The following OR51B5 variants were observed in gnomAD, a reference collection of about 807,000 sequenced individuals.
The protein encoded by OR51B5 is olfactory receptor family 51 subfamily B member 5.
For synonymous variants in OR51B5, 186 were observed against 144.8 expected (o/e 1.28, Z -2.04); for missense variants, 456 against 374.6 (o/e 1.22, Z -1.79).
At chr11:5,455,623 G>GAGAA (rs1850945100) in intron 1 of OR51B5, 1 of 151,080 alleles carries the variant, frequency 6.6e-6, no homozygotes, top group African/African-American at 2.4e-5. Flanking sequence ...AAGAGAGAAA[G>GAGAA]AGAGAGAGAG....
intron 1 of OR51B5, among the ~76,000 whole-genome samples, chr11:5,371,662 A>G (rs1010925253): frequency 4.3e-4 from 65 of 152,164 alleles, no homozygotes; most frequent in African/African-American, 1.5e-3. Context: ...TTCAAAAAAT[A>G]TAGGATATAT....
At chr11:5,374,096 T>G (rs1322108657) in intron 1 of OR51B5, among the ~76,000 whole-genome samples, 3 of 152,100 alleles carry the variant, frequency 2.0e-5, no homozygotes, top group African/African-American at 4.8e-5. Flanking sequence ...AAGGGCAGAC[T>G]GACACCTCAC....
In OR51B5 at chr11:5,403,096, T is replaced by C. The variant is rs1034246127; in HGVS notation, n.85-56186A>G. 82 of 471,636 alleles carry C rather than the reference T, an allele frequency of 1.7e-4. No homozygotes were observed. The Admixed American group carries it at 1.8e-3, about 11-fold the overall frequency. The allele number at this position is 471,636 out of a possible 1,614,324, so 29.2% of individuals were successfully genotyped here. A position where few individuals can be genotyped will look rare whatever the true frequency, so the allele number is the denominator to read the frequency against. On this transcript the variant is annotated intron_variant and non_coding_transcript_variant, in intron 1 of 4. Coordinates refer to the OR51B5 transcript ENST00000415970. ...CATGGCTCCGTTGCCCATTCTCTTA[T>C]GGCGTCTGCCCTTCTGTGGCCACAA...
chr11:5,421,395 A>G (rs1005437881), intron 1 of OR51B5, among the ~76,000 whole-genome samples: 3 of 152,260 alleles, frequency 2.0e-5, no homozygotes, highest in Non-Finnish European at 4.4e-5. Flanking sequence ...CAGGAAAAAG[A>G]AAAGGGCACA....
intron 1 of OR51B5, chr11:5,453,606 G>C: frequency 1.2e-6 from 2 of 1,613,614 alleles, no homozygotes; most frequent in Non-Finnish European, 8.5e-7. Flanking sequence ...TGTGGCCCTT[G>C]GGGGAAATAC....
At chr11:5,443,731 C>T (rs1394932008) in intron 1 of OR51B5, among the ~76,000 whole-genome samples, 1 of 151,946 alleles carries the variant, frequency 6.6e-6, no homozygotes. Flanking sequence ...GAAAATTCCC[C>T]ACCACCACCC....
intron 1 of OR51B5, among the ~76,000 whole-genome samples, chr11:5,418,823 C>T (rs978282251): frequency 6.8e-6 from 1 of 146,296 alleles, no homozygotes; most frequent in Non-Finnish European, 1.5e-5. Context: ...CACGTGTATA[C>T]CTATGTAACA....
chr11:5,464,017 A>T (rs1028173080), intron 1 of OR51B5, among the ~76,000 whole-genome samples: 3 of 152,230 alleles, frequency 2.0e-5, no homozygotes, highest in Admixed American at 6.5e-5. Flanking sequence ...TATTTAAGGC[A>T]AATACCCCAG....
chr11:5,430,567 A>G, intron 1 of OR51B5: 1 of 368,962 alleles, frequency 2.7e-6, no homozygotes, highest in Non-Finnish European at 5.4e-6. Context: ...TTCCTCCTCA[A>G]AATGCCTAAT....
At chr11:5,496,997 T>G (rs998706929) in intron 1 of OR51B5, among the ~76,000 whole-genome samples, 7 of 151,006 alleles carry the variant, frequency 4.6e-5, no homozygotes, top group Non-Finnish European at 1.0e-4. Flanking sequence ...TCCAACCCCA[T>G]GGGCTATCAC....
chr11:5,362,756 T>C, intron 1 of OR51B5: 1 of 206,762 alleles, frequency 4.8e-6, no homozygotes, highest in South Asian at 8.9e-5. Flanking sequence ...CAAGTACACT[T>C]GTGATATCTA....
chr11:5,505,320 C>G (rs1846355598), intron 1 of OR51B5: 4 of 1,303,016 alleles, frequency 3.1e-6, no homozygotes, highest in South Asian at 1.2e-5. Context: ...TGTATATCTT[C>G]CCCAGTCAGA....
intron 1 of OR51B5, chr11:5,422,345 A>G (rs779246646): frequency 8.1e-6 from 13 of 1,613,806 alleles, no homozygotes; most frequent in Non-Finnish European, 9.3e-6. Context: ...CACCATCCTC[A>G]CTGTCATTCG....
At chr11:5,490,425 T>A (rs1187162097) in intron 1 of OR51B5, among the ~76,000 whole-genome samples, 1 of 152,210 alleles carries the variant, frequency 6.6e-6, no homozygotes, top group Non-Finnish European at 1.5e-5. Flanking sequence ...TGGTACTTAA[T>A]ACAACTGTAT....
chr11:5,425,295 T>C (rs1180960178), intron 1 of OR51B5, among the ~76,000 whole-genome samples: 1 of 152,174 alleles, frequency 6.6e-6, no homozygotes, highest in East Asian at 1.9e-4. Flanking sequence ...AAATAAATTT[T>C]GGGATTATGT....
intron 1 of OR51B5, chr11:5,431,340 C>A (rs1454702624): frequency 3.4e-6 from 1 of 293,598 alleles, no homozygotes; most frequent in Non-Finnish European, 6.7e-6. Flanking sequence ...GGGCATCAAA[C>A]CAAAGAATGC....
intron 1 of OR51B5, among the ~76,000 whole-genome samples, chr11:5,463,755 C>A (rs1204989945): frequency 6.6e-6 from 1 of 152,174 alleles, no homozygotes; most frequent in African/African-American, 2.4e-5. Flanking sequence ...CTCAGTGACC[C>A]TGGGATTTAG....
intron 1 of OR51B5, among the ~76,000 whole-genome samples, chr11:5,357,532 C>T: frequency 6.6e-6 from 1 of 152,178 alleles, no homozygotes; most frequent in East Asian, 1.9e-4. Context: ...CAATGGGAGA[C>T]TTTAACACCC....
chr11:5,437,269 A>G (rs1469302161), intron 1 of OR51B5, among the ~76,000 whole-genome samples: 1 of 152,154 alleles, frequency 6.6e-6, no homozygotes, highest in Non-Finnish European at 1.5e-5. Flanking sequence ...CCCACAGTCT[A>G]GATCCCTGAA....
Sources: allele counts gnomAD v4.1 joint callset (sites outside exome capture counted in the v4.1 genomes callset), GRCh38; gene constraint gnomAD v4.1.1; transcripts MANE v1.5; gene names NCBI Gene and HGNC (gene_info 2026-07-23, HGNC 2026-07-21).